NEIL3: variants seen among roughly 807,000 people sequenced by gnomAD.
NEIL3 encodes endonuclease 8-like 3.
NEIL3 carries 48 observed loss-of-function variants against 57.5 expected under a neutral mutation model. That is an observed-to-expected ratio of 0.83 (90% CI 0.66 to 1.06). The LOEUF is 1.06. Among genes scored for constraint, NEIL3 ranks in the 50% least tolerant of loss-of-function variants. The probability of loss-of-function intolerance (pLI) is 0.00; values close to 1 mark genes in which losing one functional copy is unlikely to be tolerated. For synonymous variants in NEIL3, 261 were observed against 253.2 expected (o/e 1.03, Z -0.29); for missense variants, 717 against 739.1 (o/e 0.97, Z 0.35).
At chr4:177,335,950 C>G (rs1401481236) in intron 3 of NEIL3, 128 bp downstream of exon 3, 10 of 1,058,108 alleles carry the variant, frequency 9.5e-6, no homozygotes, top group African/African-American at 1.6e-5. Flanking sequence ...TTTAAAGAAG[C>G]CTTCAGATAA....
At chr4:177,364,842 C>T (rs1036129426), downstream of NEIL3, among the ~76,000 whole-genome samples, 1 of 151,606 alleles carries the variant, frequency 6.6e-6, no homozygotes, top group Admixed American at 6.6e-5. Flanking sequence ...GCAGTAGAAT[C>T]GCTTGAACCT....
At chr4:177,333,054 A>G (rs1464602691) in intron 2 of NEIL3, among the ~76,000 whole-genome samples, 1 of 151,622 alleles carries the variant, frequency 6.6e-6, no homozygotes, top group South Asian at 2.1e-4. Flanking sequence ...TGTTAAAACC[A>G]TATCTTTTTA....
chr4:177,322,546 G>A lies in NEIL3; in HGVS notation c.244G>A (p.Glu82Lys). 6.2e-7 allele frequency: 1 copy of A among 1,613,952 alleles called. No homozygotes were observed. Among genetic ancestry groups the A allele is most frequent in the African/African-American group, 1.3e-5 (1 of 75,030 alleles). ...CAGTGGCGTGGAAACTTTGGGGAAGGAGCTCTTTATGTACTTTGGACCAAA... is the reference window on the plus strand; with the variant it reads ...CAGTGGCGTGGAAACTTTGGGGAAGAAGCTCTTTATGTACTTTGGACCAAA... ...VYSGVETLGK[E>K]LFMYFGPKAL... is the part of the protein sequence containing the mutation. The change falls in exon 2 of 10, where the codon GAG becomes AAG. Residue 82 changes from glutamate to lysine, a missense_variant. Physicochemically the swap from Glu to Lys is moderately conservative, Grantham distance 56. Transcript: ENST00000264596.
chr4:177,330,339 A>G (rs572893271), intron 2 of NEIL3, among the ~76,000 whole-genome samples: 1 of 152,378 alleles, frequency 6.6e-6, no homozygotes, highest in Non-Finnish European at 1.5e-5. Context: ...TGTAGGAGAC[A>G]GCTAAAGCAA....
At chr4:177,330,424 A>G (rs1466220132) in intron 2 of NEIL3, among the ~76,000 whole-genome samples, 1 of 152,132 alleles carries the variant, frequency 6.6e-6, no homozygotes, top group Non-Finnish European at 1.5e-5. Flanking sequence ...GCTTCCATAT[A>G]AAAAACTAGA....
At chr4:177,352,666 TAAA>T (rs1263183748) in intron 7 of NEIL3, among the ~76,000 whole-genome samples, 2 of 151,918 alleles carry the variant, frequency 1.3e-5, no homozygotes, top group Admixed American at 1.3e-4. Context: ...CCATCTCTAC[TAAA>T]AATACAAAAA....
At chr4:177,315,499 G>A (rs530208325) in intron 1 of NEIL3, among the ~76,000 whole-genome samples, 2 of 152,180 alleles carry the variant, frequency 1.3e-5, no homozygotes, top group Non-Finnish European at 2.9e-5. Flanking sequence ...GGAAAGTCAA[G>A]TGTATATTGG....
At chr4:177,343,928 T>G (rs1228364610) in intron 6 of NEIL3, among the ~76,000 whole-genome samples, 1 of 152,164 alleles carries the variant, frequency 6.6e-6, no homozygotes, top group East Asian at 1.9e-4. Context: ...ATAGAAGATC[T>G]TCAATATATA....
chr4:177,362,537 C>G lies in NEIL3; in HGVS notation c.*66C>G. 4 of 1,230,818 alleles carry G rather than the reference C, an allele frequency of 3.2e-6. No homozygotes were observed. Among genetic ancestry groups the G allele is most frequent in the Non-Finnish European group, 4.5e-6 (4 of 887,166 alleles). 76.2% of individuals were successfully genotyped at this position (1,230,818 alleles called of 1,614,324 possible). ...TATAATGTTTGGTCCTCCTCTGTTTCATAGAAAAGTCATAGAATATCTATG... is the reference window on the plus strand; with the variant it reads ...TATAATGTTTGGTCCTCCTCTGTTTGATAGAAAAGTCATAGAATATCTATG... On this transcript the variant is annotated 3_prime_UTR_variant, in exon 10 of 10. Transcript: ENST00000264596.
intron 8 of NEIL3, among the ~76,000 whole-genome samples, chr4:177,357,299 C>G (rs1395670887): frequency 6.6e-6 from 1 of 152,142 alleles, no homozygotes. Flanking sequence ...GGCTTGTGGG[C>G]TGGACGGCTT....
At chr4:177,365,740 G>C (rs139295258), downstream of NEIL3, among the ~76,000 whole-genome samples, 883 of 152,242 alleles carry the variant, frequency 5.8e-3, 7 homozygotes, top group African/African-American at 0.019. Flanking sequence ...ATATGCTGTA[G>C]GAATTTAACT....
chr4:177,317,479 G>C (rs566266898), intron 1 of NEIL3, among the ~76,000 whole-genome samples: 2 of 151,630 alleles, frequency 1.3e-5, no homozygotes, highest in African/African-American at 4.8e-5. Context: ...ACAAGGGAAC[G>C]TATTACCTTT....
At chr4:177,357,301 G>C (rs1735493911) in intron 8 of NEIL3, among the ~76,000 whole-genome samples, 2 of 152,124 alleles carry the variant, frequency 1.3e-5, no homozygotes, top group Non-Finnish European at 2.9e-5. Flanking sequence ...CTTGTGGGCT[G>C]GACGGCTTTG....
chr4:177,349,630 G>T (rs987856463), intron 6 of NEIL3, among the ~76,000 whole-genome samples: 2 of 152,106 alleles, frequency 1.3e-5, no homozygotes, highest in Non-Finnish European at 2.9e-5. Context: ...TAGATTCCTG[G>T]AATTGTGCCC....
downstream of NEIL3, among the ~76,000 whole-genome samples, chr4:177,364,342 T>G (rs901642700): frequency 1.8e-4 from 28 of 152,074 alleles, no homozygotes; most frequent in African/African-American, 6.5e-4. Context: ...GCTGTGAAAT[T>G]TAGAAGAAAG....
chr4:177,368,944 G>T, the NEIL3 span, among the ~76,000 whole-genome samples: 1 of 152,166 alleles, frequency 6.6e-6, no homozygotes, highest in Non-Finnish European at 1.5e-5. Context: ...ATATAGAGAT[G>T]AGTAAATATA....
Position 177,351,368 on chromosome 4 carries a change from ATTATC to A in NEIL3, c.870-7_870-3del. On this transcript the variant is annotated splice_region_variant and splice_polypyrimidine_tract_variant and intron_variant, in intron 6 of 9. Coordinates refer to ENST00000264596, the MANE Select transcript of NEIL3 (RefSeq NM_018248.3). ...ATAATAACAATGATTAATTTTAAAA[ATTATC>A]TTATAGCAAGCTACCGACTAGAAAT... 7 of 1,588,016 alleles carry A rather than the reference ATTATC, an allele frequency of 4.4e-6. No individual in the cohort carries two copies. Among genetic ancestry groups the A allele is most frequent in the Non-Finnish European group, 6.0e-6 (7 of 1,164,606 alleles).
At chr4:177,349,034 A>ATTTTTTTTTTTTT (rs70938582) in intron 6 of NEIL3, among the ~76,000 whole-genome samples, 4 of 100,456 alleles carry the variant, frequency 4.0e-5, no homozygotes, top group East Asian at 2.8e-4. Flanking sequence ...CACCTGGCTA[A>ATTTTTTTTTTTTT]TTTTTTTTTT....
intron 6 of NEIL3, chr4:177,343,352 G>A (rs1437167072): frequency 2.0e-5 from 3 of 152,224 alleles, no homozygotes; most frequent in Admixed American, 2.0e-4. Context: ...AATGAGAAAG[G>A]AAATGAGCCA....
Sources: gnomAD v4.1 joint callset for allele counts (sites outside exome capture counted in the v4.1 genomes callset) on GRCh38, gnomAD v4.1.1 for gene constraint, MANE v1.5 for transcripts, NCBI Gene and HGNC (gene_info 2026-07-23, HGNC 2026-07-21) for gene names.